STAU1: variants seen among roughly 807,000 people sequenced by gnomAD.
STAU1 encodes the protein staufen double-stranded RNA binding protein 1.
In STAU1, 13 loss-of-function variants were observed where a neutral mutation model predicts 62.9. The observed-to-expected ratio is 0.21, with a 90% CI of 0.13 to 0.33. STAU1 has a LOEUF of 0.33. Ranked by LOEUF, STAU1 falls within the 10% of genes least tolerant of loss-of-function variation. The pLI, the probability that STAU1 is intolerant of heterozygous loss-of-function variation, is 1.00. For missense variants in STAU1, 571 were observed against 712.1 expected, an observed-to-expected ratio of 0.80 and a Z score of 2.25; for synonymous variants, 269 against 265.1, an observed-to-expected ratio of 1.01 and a Z score of -0.14.
rs1463532082 is a variant in STAU1 at position 49,114,493 on chromosome 20, A to G, written c.*385T>C. The G allele has an allele frequency of 4.8e-6, 1 of 209,710 alleles. No homozygotes were observed. The highest frequency in any genetic ancestry group is 9.7e-6 in the Non-Finnish European group (1 of 103,452). 13.0% of individuals were successfully genotyped at this position (209,710 alleles called of 1,614,324 possible). On this transcript the variant is annotated 3_prime_UTR_variant, in exon 14 of 14. Transcript: ENST00000371856. ...TCCAGGGTTTGTCCCAATGTGTCTG[A>G]GTGAGCCAGCTTGAGAAGGGGTCGT...
upstream of STAU1, among the ~76,000 whole-genome samples, chr20:49,189,101 G>A (rs2093823628): frequency 6.7e-6 from 1 of 149,406 alleles, no homozygotes; most frequent in Admixed American, 6.8e-5. Context: ...TACTCGGGAG[G>A]CTGAGGCAGG....
chr20:49,148,667 A>T (rs1048008750), intron 5 of STAU1, among the ~76,000 whole-genome samples: 3 of 152,198 alleles, frequency 2.0e-5, no homozygotes, highest in Non-Finnish European at 4.4e-5. Context: ...GTAGATTTAA[A>T]CACCACTCCC....
At chr20:49,193,357 A>G (rs1398241411), upstream of STAU1, among the ~76,000 whole-genome samples, 1 of 152,002 alleles carries the variant, frequency 6.6e-6, no homozygotes, top group Non-Finnish European at 1.5e-5. Flanking sequence ...AGCCTGGCCA[A>G]CAGAGCAAGA....
chr20:49,173,327 C>T (rs1157729789), intron 2 of STAU1, among the ~76,000 whole-genome samples: 1 of 152,012 alleles, frequency 6.6e-6, no homozygotes, highest in Non-Finnish European at 1.5e-5. Context: ...TGTGGTGGCA[C>T]ACGCCTGTAA....
intron 2 of STAU1, among the ~76,000 whole-genome samples, chr20:49,168,405 T>C (rs2093554567): frequency 6.6e-6 from 1 of 152,164 alleles, no homozygotes; most frequent in Non-Finnish European, 1.5e-5. Flanking sequence ...ATATGTAAGT[T>C]TTCTAGAAGC....
intron 8 of STAU1, among the ~76,000 whole-genome samples, chr20:49,121,301 G>A (rs919288731): frequency 1.3e-5 from 2 of 152,024 alleles, no homozygotes; most frequent in South Asian, 2.1e-4. Flanking sequence ...CCAGCTACTC[G>A]GGAGGCTGAG....
chr20:49,205,960 T>A, the STAU1 span, among the ~76,000 whole-genome samples: 1 of 147,766 alleles, frequency 6.8e-6, no homozygotes, highest in African/African-American at 2.5e-5. Flanking sequence ...AGGTGTGAGC[T>A]ACCGTGTCCG....
intron 6 of STAU1, among the ~76,000 whole-genome samples, chr20:49,131,234 T>C (rs1373768334): frequency 6.6e-6 from 1 of 152,216 alleles, no homozygotes; most frequent in African/African-American, 2.4e-5. Context: ...CTAAAGATAC[T>C]GCAGAGACTA....
chr20:49,185,894 G>C (rs2093780452), intron 1 of STAU1, among the ~76,000 whole-genome samples: 1 of 151,200 alleles, frequency 6.6e-6, no homozygotes, highest in Non-Finnish European at 1.5e-5. Flanking sequence ...TGTTTTTTTG[G>C]AGAGAGTCTC....
chr20:49,207,847 G>T, the STAU1 span, among the ~76,000 whole-genome samples: 1 of 151,890 alleles, frequency 6.6e-6, no homozygotes, highest in Non-Finnish European at 1.5e-5. Context: ...TTACTGAACC[G>T]AGACTGTTTG....
intron 5 of STAU1, among the ~76,000 whole-genome samples, chr20:49,141,138 AT>A (rs1454409072): frequency 1.3e-5 from 2 of 152,220 alleles, no homozygotes; most frequent in Non-Finnish European, 2.9e-5. Context: ...TGTTTTGTTC[AT>A]TGTATCAGCC....
At chr20:49,129,012 AACG>A (rs2092693699) in intron 6 of STAU1, among the ~76,000 whole-genome samples, 1 of 151,922 alleles carries the variant, frequency 6.6e-6, no homozygotes, top group African/African-American at 2.4e-5. Flanking sequence ...CTTAAAATCA[AACG>A]ACAAGCCACA....
rs1555837189 is a variant in STAU1, at chr20:49,126,587, A to AACAAAAAAAAAACAAAACAAAAC, written c.610-2001_610-2000insGTTTTGTTTTGTTTTTTTTTTGT. Among the ~76,000 whole-genome samples the AACAAAAAAAAAACAAAACAAAAC allele has an allele frequency of 8.4e-3, 524 of 62,384 alleles. 13 individuals are homozygous for AACAAAAAAAAAACAAAACAAAAC. The highest frequency in any genetic ancestry group is 0.039 in the African/African-American group (511 of 13,254). 40.9% of individuals were successfully genotyped at this position (62,384 alleles called of 152,430 possible). A position where few individuals can be genotyped will look rare whatever the true frequency, so the allele number is the denominator to read the frequency against. ...CGTCTCAAAAAGCAAAAAAAAAAAA[A>AACAAAAAAAAAACAAAACAAAAC]CAAAAAAAAAACAAAAAAACTTAAA... On this transcript the variant is annotated intron_variant, in intron 6 of 13. Transcript: ENST00000371856.
At chr20:49,205,990 T>C in the STAU1 span, among the ~76,000 whole-genome samples, 2 of 147,718 alleles carry the variant, frequency 1.4e-5, no homozygotes, top group Non-Finnish European at 3.0e-5. Flanking sequence ...CTTTTCTTTT[T>C]TTTTTTTTTT....
chr20:49,140,728 G>A (rs1355625443), intron 5 of STAU1, among the ~76,000 whole-genome samples: 1 of 152,138 alleles, frequency 6.6e-6, no homozygotes, highest in Non-Finnish European at 1.5e-5. Context: ...AGTGACAGTT[G>A]TGCAAAACCA....
At chr20:49,200,556 G>C in the STAU1 span, among the ~76,000 whole-genome samples, 1 of 151,050 alleles carries the variant, frequency 6.6e-6, no homozygotes. Context: ...AGCCGAGATC[G>C]CACCACTGCA....
intron 13 of STAU1, among the ~76,000 whole-genome samples, chr20:49,115,334 T>C (rs892997220): frequency 7.2e-5 from 11 of 152,094 alleles, no homozygotes; most frequent in Admixed American, 1.3e-4. Context: ...GGAGTCTTGC[T>C]CTGTCGCCCA....
At position 49,124,565 on chromosome 20, in the gene STAU1, G is replaced by C; in HGVS notation, c.632C>G (p.Pro211Arg). 6.2e-7 allele frequency: 1 copy of C among 1,613,896 alleles called. No homozygotes were observed. Among genetic ancestry groups the C allele is most frequent in the Middle Eastern group, 1.7e-4 (1 of 6,060 alleles). The change falls in exon 7 of 14, where the codon CCC becomes CGC. Residue 211 changes from proline (P) to arginine (R), a missense_variant. Physicochemically the swap from Pro to Arg is moderately radical, Grantham distance 103. Transcript: ENST00000371856. Reference sequence around the variant, plus strand: ...CTTGGTCACAAAGTTCTTCATGTGGGGTGGGCCACTCTCCCGGGCCACCTG... The same window carrying C: ...CTTGGTCACAAAGTTCTTCATGTGGCGTGGGCCACTCTCCCGGGCCACCTG... The part of the protein sequence containing the change: ...NFEVARESGP[P>R]HMKNFVTKVS...
chr20:49,196,122 T>TAA, the STAU1 span, among the ~76,000 whole-genome samples: 3 of 80,492 alleles, frequency 3.7e-5, no homozygotes, highest in African/African-American at 1.5e-4. Context: ...AGACTCCATC[T>TAA]AAAAAAAAAA....
Sources: gnomAD v4.1 joint callset for allele counts (sites outside exome capture counted in the v4.1 genomes callset) on GRCh38, gnomAD v4.1.1 for gene constraint, MANE v1.5 for transcripts, NCBI Gene and HGNC (gene_info 2026-07-23, HGNC 2026-07-21) for gene names.